PLN: variants seen among roughly 807,000 people sequenced by gnomAD.
PLN encodes the protein phospholamban, also known as cardiac phospholamban.
PLN carries 1 observed loss-of-function variant against 3.9 expected under a neutral mutation model. The ratio of observed to expected loss-of-function variants is 0.26; its 90% CI spans 0.09 to 1.23. PLN has a LOEUF of 1.23. Ranked by LOEUF, PLN falls within the 50% of genes most tolerant of loss-of-function variation. The pLI, the probability that PLN is intolerant of heterozygous loss-of-function variation, is 0.48. For synonymous variants in PLN, 21 were observed against 20.5 expected (o/e 1.02, Z -0.07); for missense variants, 59 against 62.7 (o/e 0.94, Z 0.20).
At chr6:118,558,697 A>C in intron 1 of PLN, 128 bp from the exon 2 acceptor site, 1 of 559,762 alleles carries the variant, frequency 1.8e-6, no homozygotes, top group East Asian at 3.1e-5. Flanking sequence ...AGGGAGAGAG[A>C]CTATAGAAAC....
chr6:118,554,340 T>A (rs1262114155), intron 1 of PLN, among the ~76,000 whole-genome samples: 1 of 152,054 alleles, frequency 6.6e-6, no homozygotes, highest in East Asian at 1.9e-4. Flanking sequence ...TGAGATGGGG[T>A]CTCATTATGT....
chr6:118,550,264 A>C (rs139427053), intron 1 of PLN, among the ~76,000 whole-genome samples: 1 of 152,004 alleles, frequency 6.6e-6, no homozygotes, highest in African/African-American at 2.4e-5. Flanking sequence ...CATATCTTTA[A>C]TTAGTGAGAT....
intron 1 of PLN, among the ~76,000 whole-genome samples, chr6:118,556,635 G>T (rs562590618): frequency 6.6e-6 from 1 of 152,256 alleles, no homozygotes; most frequent in African/African-American, 2.4e-5. Context: ...GGGCTTTTAT[G>T]GGATGTATAA....
intron 1 of PLN, among the ~76,000 whole-genome samples, chr6:118,552,956 C>T (rs1018085320): frequency 4.6e-5 from 7 of 151,870 alleles, no homozygotes; most frequent in African/African-American, 1.7e-4. Flanking sequence ...TTTTAAAATT[C>T]ATCTATAAAT....
At chr6:118,555,273 C>T (rs1778786997) in intron 1 of PLN, among the ~76,000 whole-genome samples, 2 of 151,784 alleles carry the variant, frequency 1.3e-5, no homozygotes, top group Middle Eastern at 3.4e-3. Flanking sequence ...CTACTAAAAA[C>T]ACAAAAAAAT....
intron 1 of PLN, among the ~76,000 whole-genome samples, chr6:118,553,197 G>A (rs1251827705): frequency 1.4e-5 from 2 of 141,336 alleles, no homozygotes; most frequent in Non-Finnish European, 3.0e-5. Flanking sequence ...CTATTAAACA[G>A]CTTAGCTGTT....
rs1339916804 is a variant in PLN at position 118,559,323 on chromosome 6, C to T, written c.*243C>T. On this transcript the variant is annotated 3_prime_UTR_variant, in exon 2 of 2. Coordinates refer to ENST00000357525, the MANE Select transcript of PLN (RefSeq NM_002667.5). ...TTCAAAATAAGTGTATAAAATGCAACTGTTGATTTCCTCAACATGGCTCAC... is the reference window on the plus strand; with the variant it reads ...TTCAAAATAAGTGTATAAAATGCAATTGTTGATTTCCTCAACATGGCTCAC... The T allele has an allele frequency of 8.2e-6, 4 of 485,702 alleles. No homozygotes were observed. In the East Asian group the frequency reaches 1.2e-4, roughly 15 times the overall value. The allele number at this position is 485,702 out of a possible 1,614,324, so 30.1% of individuals were successfully genotyped here.
Position 118,553,515 on chromosome 6 carries a change from T to A in PLN, c.-98+5123T>A, listed in dbSNP as rs147184753. Among the ~76,000 whole-genome samples the A allele has an allele frequency of 2.6e-3, 394 of 152,290 alleles. 1 individual carries two copies. The highest frequency in any genetic ancestry group is 9.1e-3 in the African/African-American group (377 of 41,574). ...AAAATTGAGCCCAATAAATTAAATG[T>A]ATATCATTAACATTTTAGCGTGTAA... On this transcript the variant is annotated intron_variant, in intron 1 of 1. Transcript: ENST00000357525.
intron 1 of PLN, among the ~76,000 whole-genome samples, chr6:118,554,397 T>G (rs927649333): frequency 3.3e-5 from 5 of 152,308 alleles, no homozygotes; most frequent in African/African-American, 1.2e-4. Context: ...TCGTCCCGCC[T>G]AGGCCTTCCA....
chr6:118,552,040 T>C (rs1198782613), intron 1 of PLN, among the ~76,000 whole-genome samples: 3 of 152,006 alleles, frequency 2.0e-5, no homozygotes, highest in Non-Finnish European at 4.4e-5. Context: ...AATCCAAATA[T>C]AGACAAGTCC....
Position 118,561,429 on chromosome 6 carries a change from A to G in PLN, c.*2349A>G, listed in dbSNP as rs919614795. On this transcript the variant is annotated 3_prime_UTR_variant, in exon 2 of 2. Transcript: ENST00000357525. ...TAAAATCTTATTCTGTGAGGATTAC[A>G]GAATACTATAACTCAAATTATAAAG... Among the ~76,000 whole-genome samples, 4 of 152,198 alleles carry G rather than the reference A, an allele frequency of 2.6e-5. No homozygotes were observed. Among genetic ancestry groups the G allele is most frequent in the Non-Finnish European group, 5.9e-5 (4 of 68,016 alleles).
At chr6:118,558,101 GC>G (rs1338691416) in intron 1 of PLN, among the ~76,000 whole-genome samples, 1 of 152,024 alleles carries the variant, frequency 6.6e-6, no homozygotes, top group African/African-American at 2.4e-5. Flanking sequence ...ACAGGCACAT[GC>G]CACCAGCCTA....
At chr6:118,557,505 T>G (rs923590044) in intron 1 of PLN, among the ~76,000 whole-genome samples, 6 of 152,194 alleles carry the variant, frequency 3.9e-5, no homozygotes, top group African/African-American at 1.4e-4. Context: ...TCTGTGGGAC[T>G]CTGGTTTCCT....
chr6:118,549,164 A>G (rs1280194297), intron 1 of PLN, among the ~76,000 whole-genome samples: 1 of 151,966 alleles, frequency 6.6e-6, no homozygotes, highest in Non-Finnish European at 1.5e-5. Flanking sequence ...ACACACGAAT[A>G]TTCTTAACTA....
intron 1 of PLN, among the ~76,000 whole-genome samples, chr6:118,556,309 T>C (rs1420975424): frequency 6.6e-6 from 1 of 152,198 alleles, no homozygotes; most frequent in African/African-American, 2.4e-5. Flanking sequence ...ATACAGGTAG[T>C]TAATAACTCT....
intron 1 of PLN, among the ~76,000 whole-genome samples, chr6:118,551,330 AC>A (rs1184177467): frequency 6.6e-6 from 1 of 151,716 alleles, no homozygotes; most frequent in Non-Finnish European, 1.5e-5. Flanking sequence ...CAACCCCCGC[AC>A]AAAAAAAAAG....
intron 1 of PLN, among the ~76,000 whole-genome samples, chr6:118,549,606 ATT>A (rs914315707): frequency 3.3e-5 from 5 of 151,694 alleles, no homozygotes; most frequent in African/African-American, 9.7e-5. Flanking sequence ...AAAAAACATA[ATT>A]TTTGTCTACC....
At chr6:118,554,031 C>T (rs1778701210) in intron 1 of PLN, among the ~76,000 whole-genome samples, 1 of 152,064 alleles carries the variant, frequency 6.6e-6, no homozygotes, top group Admixed American at 6.5e-5. Flanking sequence ...AAAATGAGGG[C>T]CAGGCATGGT....
chr6:118,549,254 G>T (rs750396554), intron 1 of PLN, among the ~76,000 whole-genome samples: 14 of 151,588 alleles, frequency 9.2e-5, no homozygotes, highest in Non-Finnish European at 2.1e-4. Context: ...ATCCTCCAGT[G>T]GTACTCCATT....
Sources: gnomAD v4.1 joint callset for allele counts (sites outside exome capture counted in the v4.1 genomes callset) on GRCh38, gnomAD v4.1.1 for gene constraint, MANE v1.5 for transcripts, NCBI Gene and HGNC (gene_info 2026-07-23, HGNC 2026-07-21) for gene names.